Variants in KCNH1 observed in about 807,000 individuals in gnomAD.
KCNH1 encodes voltage-gated delayed rectifier potassium channel KCNH1.
Under a neutral mutation model 69.2 loss-of-function variants are expected in KCNH1, and 27 were observed. That is an observed-to-expected ratio of 0.39 (90% CI 0.29 to 0.54). The LOEUF is 0.54. KCNH1 is among the 20% of genes least tolerant of loss of function. The probability of loss-of-function intolerance (pLI) is 0.68; values close to 1 mark genes in which losing one functional copy is unlikely to be tolerated. For missense variants in KCNH1, 798 were observed against 1,261.6 expected (o/e 0.63, Z 5.57); for synonymous variants, 456 against 487.7 (o/e 0.93, Z 0.86).
chr1:210,943,010 C>T (rs748859807), intron 6 of KCNH1, among the ~76,000 whole-genome samples: 1 of 152,166 alleles, frequency 6.6e-6, no homozygotes, highest in Non-Finnish European at 1.5e-5. Flanking sequence ...TTTTAAAGAA[C>T]TTGCAATGTG....
intron 6 of KCNH1, among the ~76,000 whole-genome samples, chr1:210,987,856 G>A (rs1038271608): frequency 1.3e-5 from 2 of 152,170 alleles, no homozygotes; most frequent in African/African-American, 4.8e-5. Flanking sequence ...GCTGCCTTTT[G>A]ATTGTCTGTG....
intron 10 of KCNH1, among the ~76,000 whole-genome samples, chr1:210,688,660 C>A (rs1008607649): frequency 6.6e-6 from 1 of 152,174 alleles, no homozygotes; most frequent in Non-Finnish European, 1.5e-5. Flanking sequence ...ATCATCTCTT[C>A]CTGGCTGATT....
At chr1:210,770,846 A>G (rs974491602) in intron 10 of KCNH1, among the ~76,000 whole-genome samples, 2 of 152,208 alleles carry the variant, frequency 1.3e-5, no homozygotes, top group Non-Finnish European at 2.9e-5. Flanking sequence ...TGAGAGCCAC[A>G]CTTCACTGAG....
intron 6 of KCNH1, among the ~76,000 whole-genome samples, chr1:210,920,535 G>A (rs998431981): frequency 1.3e-5 from 2 of 152,016 alleles, no homozygotes; most frequent in African/African-American, 4.8e-5. Context: ...GAAAATGGTT[G>A]GGAAATACAC....
intron 7 of KCNH1, among the ~76,000 whole-genome samples, chr1:210,897,747 T>C (rs984900544): frequency 2.0e-5 from 3 of 152,030 alleles, no homozygotes; most frequent in South Asian, 2.1e-4. Flanking sequence ...ACTAGAAGAG[T>C]GAAAAGCAAA....
intron 9 of KCNH1, among the ~76,000 whole-genome samples, chr1:210,782,041 C>T (rs1193557092): frequency 3.3e-5 from 5 of 152,132 alleles, no homozygotes; most frequent in African/African-American, 1.2e-4. Flanking sequence ...TCCTGCTCAT[C>T]CTTCAAAATA....
intron 6 of KCNH1, among the ~76,000 whole-genome samples, chr1:211,015,432 G>A (rs1199653419): frequency 6.6e-6 from 1 of 152,140 alleles, no homozygotes; most frequent in East Asian, 1.9e-4. Context: ...GTATTAAGAA[G>A]GTTGAACTAT....
At chr1:210,845,233 C>T (rs1558493917) in intron 7 of KCNH1, among the ~76,000 whole-genome samples, 1 of 152,184 alleles carries the variant, frequency 6.6e-6, no homozygotes, top group Non-Finnish European at 1.5e-5. Context: ...TTTTATGAGG[C>T]CAGCATCATC....
intron 6 of KCNH1, among the ~76,000 whole-genome samples, chr1:210,981,869 G>T (rs528650129): frequency 1.3e-5 from 2 of 152,256 alleles, no homozygotes; most frequent in African/African-American, 2.4e-5. Context: ...TCAAGGCAGG[G>T]TAAAGAGGGG....
intron 6 of KCNH1, among the ~76,000 whole-genome samples, chr1:211,017,339 G>A (rs760099507): frequency 1.3e-4 from 20 of 152,130 alleles, no homozygotes; most frequent in Non-Finnish European, 2.4e-4. Context: ...TTGATATCCC[G>A]GCAGGGAGCA....
At chr1:210,717,571 A>ACAGTT (rs974636976) in intron 10 of KCNH1, among the ~76,000 whole-genome samples, 9 of 152,312 alleles carry the variant, frequency 5.9e-5, no homozygotes, top group African/African-American at 2.2e-4. Context: ...CACTCCTTGC[A>ACAGTT]CAGTTCATCA....
chr1:210,782,584 G>A (rs1684008636), intron 9 of KCNH1, among the ~76,000 whole-genome samples: 1 of 152,086 alleles, frequency 6.6e-6, no homozygotes, highest in Non-Finnish European at 1.5e-5. Context: ...AAATTAGCGG[G>A]GTGTGGTGGC....
chr1:210,852,641 C>G (rs935435640), intron 7 of KCNH1, among the ~76,000 whole-genome samples: 1 of 152,106 alleles, frequency 6.6e-6, no homozygotes, highest in African/African-American at 2.4e-5. Flanking sequence ...ACCTCAACCA[C>G]CAAAGTCAAG....
chr1:210,742,488 C>G (rs1219003124), intron 10 of KCNH1, among the ~76,000 whole-genome samples: 2 of 152,148 alleles, frequency 1.3e-5, no homozygotes, highest in Non-Finnish European at 2.9e-5. Context: ...AGGAGGCAGG[C>G]CGCAGACCAC....
chr1:210,782,201 G>A (rs1684000451), intron 9 of KCNH1, among the ~76,000 whole-genome samples: 1 of 152,314 alleles, frequency 6.6e-6, no homozygotes, highest in African/African-American at 2.4e-5. Flanking sequence ...CTCAATGGCT[G>A]TTGAATGTAT....
chr1:210,787,505 A>G (rs1200688137), intron 9 of KCNH1, among the ~76,000 whole-genome samples: 1 of 152,214 alleles, frequency 6.6e-6, no homozygotes, highest in Non-Finnish European at 1.5e-5. Context: ...TCCAACCTCT[A>G]GCACTGTACC....
intron 5 of KCNH1, among the ~76,000 whole-genome samples, chr1:211,019,998 C>T (rs1689561018): frequency 6.6e-6 from 1 of 151,782 alleles, no homozygotes; most frequent in Non-Finnish European, 1.5e-5. Context: ...GGATACAGCA[C>T]AAGAAATACT....
intron 5 of KCNH1, among the ~76,000 whole-genome samples, chr1:211,075,597 A>G (rs1312631266): frequency 1.3e-5 from 2 of 152,244 alleles, no homozygotes; most frequent in African/African-American, 4.8e-5. Flanking sequence ...GAAAAAATAA[A>G]GAACAGGATT....
Position 210,847,636 on chromosome 1 carries a change from C to T in KCNH1, c.1463-43470G>A, listed in dbSNP as rs546517139. ...AGGAGATATACCTAATGCTAAATGA[C>T]GAGTTAATGGGTGCAGCACGCCAAG... On this transcript the variant is annotated intron_variant, in intron 7 of 10. Coordinates refer to ENST00000271751, the MANE Select transcript of KCNH1 (RefSeq NM_172362.3). Among the ~76,000 whole-genome samples the T allele has an allele frequency of 4.6e-5, 7 of 151,312 alleles. No individual in the cohort carries two copies. In the South Asian group the frequency reaches 8.4e-4, roughly 18 times the overall value.
Sources: gnomAD v4.1 joint callset for allele counts (sites outside exome capture counted in the v4.1 genomes callset) on GRCh38, gnomAD v4.1.1 for gene constraint, MANE v1.5 for transcripts, NCBI Gene and HGNC (gene_info 2026-07-23, HGNC 2026-07-21) for gene names.